ZNF454: variants seen among roughly 807,000 people sequenced by gnomAD.
The protein encoded by ZNF454 is zinc finger protein 454.
Under a neutral mutation model 48.2 loss-of-function variants are expected in ZNF454, and 30 were observed. The ratio of observed to expected loss-of-function variants is 0.62; its 90% CI spans 0.47 to 0.84. The LOEUF is 0.84. ZNF454 is among the 40% of genes least tolerant of loss of function. The pLI, the probability that ZNF454 is intolerant of heterozygous loss-of-function variation, is 0.00. For synonymous variants in ZNF454, 204 were observed against 211.4 expected (o/e 0.97, Z 0.30); for missense variants, 510 against 623.1 (o/e 0.82, Z 1.93).
intron 4 of ZNF454, among the ~76,000 whole-genome samples, chr5:178,956,674 A>ATTTATTT (rs1561702161): frequency 1.5e-4 from 5 of 33,882 alleles, no homozygotes; most frequent in East Asian, 5.8e-4. Context: ...TATTTTATTT[A>ATTTATTT]ATTTATTTAT....
chr5:178,947,204 TC>T (rs1334147283), intron 4 of ZNF454, among the ~76,000 whole-genome samples: 1 of 152,200 alleles, frequency 6.6e-6, no homozygotes, highest in East Asian at 1.9e-4. Context: ...TTTTCTTCTC[TC>T]CCTGTTTGGC....
chr5:178,986,307 G>A, the ZNF454 span: 27 of 1,614,022 alleles, frequency 1.7e-5, no homozygotes, highest in Non-Finnish European at 2.3e-5. Flanking sequence ...GGGCGGCACA[G>A]ACCGCGGCCC....
the ZNF454 span, chr5:178,987,211 C>T: frequency 8.9e-6 from 6 of 674,274 alleles, no homozygotes; most frequent in Non-Finnish European, 1.6e-5. Context: ...AGTCGGAACC[C>T]TTGTGCACGG....
chr5:178,957,306 C>G (rs1443322407), intron 4 of ZNF454, among the ~76,000 whole-genome samples: 1 of 152,162 alleles, frequency 6.6e-6, no homozygotes, highest in Non-Finnish European at 1.5e-5. Context: ...TGGGTGTGAC[C>G]TCTTGACAAC....
At chr5:178,982,343 C>T in the ZNF454 span, among the ~76,000 whole-genome samples, 5 of 151,984 alleles carry the variant, frequency 3.3e-5, no homozygotes, top group African/African-American at 9.7e-5. Context: ...TTTGGGAGGC[C>T]GAGGCAGATG....
chr5:178,947,783 T>C (rs1377684850), intron 4 of ZNF454, among the ~76,000 whole-genome samples: 1 of 152,190 alleles, frequency 6.6e-6, no homozygotes, highest in Admixed American at 6.5e-5. Context: ...CTGTGGAGTA[T>C]TTTTATAAAC....
the ZNF454 span, among the ~76,000 whole-genome samples, chr5:178,974,312 G>T: frequency 1.1e-4 from 16 of 147,844 alleles, no homozygotes; most frequent in South Asian, 2.5e-3. Context: ...TTGTGGTTGT[G>T]GTTGTTGTTG....
At chr5:178,947,384 T>G (rs1322832971) in intron 4 of ZNF454, among the ~76,000 whole-genome samples, 1 of 152,236 alleles carries the variant, frequency 6.6e-6, no homozygotes, top group African/African-American at 2.4e-5. Flanking sequence ...GAGCCAGTTA[T>G]CATGTGCCCA....
At chr5:178,981,703 G>A in the ZNF454 span, 448 of 1,613,842 alleles carry the variant, frequency 2.8e-4, 2 homozygotes, top group African/African-American at 5.5e-3. This position sits in a 1 kb window ranked among gnomAD's most constrained non-coding sequence, Gnocchi z 5.1. Context: ...GGCTGCCACC[G>A]TGGAGGTGGC....
At chr5:178,986,769 C>G in the ZNF454 span, 13 of 1,610,184 alleles carry the variant, frequency 8.1e-6, no homozygotes, top group South Asian at 1.2e-4. Flanking sequence ...ACGCACAAAA[C>G]ACAGGCTGGG....
Position 178,946,267 on chromosome 5 carries a change from G to T in ZNF454, c.34-92G>T, listed in dbSNP as rs1274081759. On this transcript the variant is annotated intron_variant, in intron 2 of 4. Coordinates refer to ENST00000519564, the MANE Select transcript of ZNF454 (RefSeq NM_001178089.3). This position sits in a 1 kb window ranked among gnomAD's most constrained non-coding sequence, Gnocchi z 4.5. ...CCTGTGTGCCAGCAGTCCTGTAAAT[G>T]CGCACAAGCTCCTAGGGGCTGCCAG... is the stretch of plus-strand genomic sequence containing the variant. 6.4e-7 allele frequency: 1 copy of T among 1,551,136 alleles called. No individual in the cohort carries two copies. The highest frequency in any genetic ancestry group is 8.7e-7 in the Non-Finnish European group (1 of 1,149,216).
chr5:178,971,274 G>C (rs1426727130), downstream of ZNF454, among the ~76,000 whole-genome samples: 1 of 152,298 alleles, frequency 6.6e-6, no homozygotes, highest in African/African-American at 2.4e-5. Context: ...AGGAGTCGGC[G>C]GGGAGTAGGG....
At chr5:178,967,742 C>CT (rs10694687), downstream of ZNF454, among the ~76,000 whole-genome samples, 46,158 of 128,936 alleles carry the variant, frequency 0.36, 9,170 homozygotes, top group East Asian at 0.46. Context: ...TTTTCTTTTT[C>CT]TTTTTTTTTT....
downstream of ZNF454, among the ~76,000 whole-genome samples, chr5:178,966,922 C>G (rs1472613802): frequency 6.6e-6 from 1 of 152,206 alleles, no homozygotes; most frequent in Non-Finnish European, 1.5e-5. Flanking sequence ...TTAGCAACGC[C>G]TAACTGTCTG....
the ZNF454 span, among the ~76,000 whole-genome samples, chr5:178,971,856 A>AC: frequency 6.9e-6 from 1 of 144,324 alleles, no homozygotes; most frequent in South Asian, 2.2e-4. Flanking sequence ...ATCTGAAAAA[A>AC]AAAAAAGAAG....
At chr5:178,989,049 C>T in the ZNF454 span, 36 of 1,614,006 alleles carry the variant, frequency 2.2e-5, no homozygotes, top group East Asian at 4.5e-5. Context: ...CTGTGGAGGG[C>T]GTGGGCAATG....
At chr5:178,985,622 G>GA in the ZNF454 span, 1 of 362,606 alleles carries the variant, frequency 2.8e-6, no homozygotes, top group South Asian at 2.1e-5. Context: ...AGAATGGCGT[G>GA]AACCCGGAAG....
At position 178,946,443 on chromosome 5, in the gene ZNF454, A is replaced by AG; in HGVS notation, c.121dup (p.Asp41GlyfsTer44). On this transcript the variant is annotated frameshift_variant, in exon 3 of 5. Coordinates refer to ENST00000519564, the MANE Select transcript of ZNF454 (RefSeq NM_001178089.3). LOFTEE classifies it high-confidence loss of function. The surrounding 1 kb of genome is among the most constrained non-coding windows in gnomAD (Gnocchi z 4.5). ...GAGCCCCGCCCAGAGGGCCCTGTAC[A>AG]GGGACGTGATGCTGGAGAACTACAG... 6.2e-7 allele frequency: 1 copy of AG among 1,610,432 alleles called. No homozygotes were observed.
At chr5:178,974,493 T>C in the ZNF454 span, among the ~76,000 whole-genome samples, 1 of 152,174 alleles carries the variant, frequency 6.6e-6, no homozygotes, top group African/African-American at 2.4e-5. Context: ...TAATTTTTTG[T>C]ATATTTAGTA....
Sources: allele counts gnomAD v4.1 joint callset (sites outside exome capture counted in the v4.1 genomes callset), GRCh38; gene constraint gnomAD v4.1.1; non-coding constraint Gnocchi (gnomAD v3.1); transcripts MANE v1.5; gene names NCBI Gene and HGNC (gene_info 2026-07-23, HGNC 2026-07-21).